Variants in BAALC observed in about 807,000 individuals in gnomAD.
BAALC encodes the protein BAALC binder of MAP3K1 and KLF4.
In BAALC, 9 loss-of-function variants were observed where a neutral mutation model predicts 15.5. The ratio of observed to expected loss-of-function variants is 0.58; its 90% confidence interval spans 0.35 to 1.02. The LOEUF (loss-of-function observed/expected upper bound fraction) is 1.02, where lower values mean the gene tolerates loss of function less well. BAALC is among the 50% of genes least tolerant of loss of function. The pLI, the probability that BAALC is intolerant of heterozygous loss-of-function variation, is 0.02. For synonymous variants in BAALC, 80 were observed against 74.6 expected (o/e 1.07, Z -0.37); for missense variants, 201 against 192.4 (o/e 1.04, Z -0.27).
intron 1 of BAALC, among the ~76,000 whole-genome samples, chr8:103,162,003 C>G (rs1218519001): frequency 2.0e-5 from 3 of 152,008 alleles, no homozygotes; most frequent in African/African-American, 7.3e-5. Flanking sequence ...CTCTGTCACC[C>G]AGGCTGAAGC....
intron 1 of BAALC, among the ~76,000 whole-genome samples, chr8:103,179,088 A>G (rs1276722624): frequency 6.6e-6 from 1 of 152,216 alleles, no homozygotes; most frequent in Non-Finnish European, 1.5e-5. Context: ...TCAGACAGAA[A>G]AGAAACTCAT....
chr8:103,220,662 T>C (rs1812656771), intron 2 of BAALC, among the ~76,000 whole-genome samples: 1 of 152,052 alleles, frequency 6.6e-6, no homozygotes, highest in African/African-American at 2.4e-5. Flanking sequence ...AGGAAGGAAG[T>C]AAAGAACATA....
chr8:103,162,445 C>T (rs1376320463), intron 1 of BAALC, among the ~76,000 whole-genome samples: 1 of 152,182 alleles, frequency 6.6e-6, no homozygotes, highest in Non-Finnish European at 1.5e-5. Flanking sequence ...GGTTGGGCAT[C>T]TCTCTCGGTA....
At position 103,140,975 on chromosome 8, in the gene BAALC, C is replaced by G. The variant is rs976727881; in HGVS notation, c.78C>G (p.Thr26=). 5 of 1,540,256 alleles carry G rather than the reference C, an allele frequency of 3.2e-6. No homozygotes were observed. The highest frequency in any genetic ancestry group is 4.4e-6 in the Non-Finnish European group (5 of 1,144,564). The part of the protein sequence containing the change: ...YESWTRETES[T]WLTYTDSDAP... ...GCTGGACCCGGGAGACAGAATCCAC[C>G]TGGCTCACCTACACCGACTCGGACG... The change falls in exon 1 of 3, where the codon ACC becomes ACG. Residue 26 remains threonine (T), a synonymous_variant. Transcript: ENST00000309982. This position sits in a 1 kb window ranked among gnomAD's most constrained non-coding sequence, Gnocchi z 4.2.
intron 1 of BAALC, chr8:103,171,811 G>C (rs1364370782): frequency 6.6e-6 from 1 of 152,148 alleles, no homozygotes; most frequent in Non-Finnish European, 1.5e-5. Context: ...CTGGATCCAG[G>C]AAACCCAGGC....
intron 1 of BAALC, among the ~76,000 whole-genome samples, chr8:103,202,029 ATAG>A (rs1318502719): frequency 6.6e-6 from 1 of 152,212 alleles, no homozygotes; most frequent in African/African-American, 2.4e-5. Context: ...CAAAATGTCA[ATAG>A]TAGTTATTCC....
intron 1 of BAALC, among the ~76,000 whole-genome samples, chr8:103,207,073 C>G (rs543797014): frequency 6.6e-6 from 1 of 152,268 alleles, no homozygotes; most frequent in Non-Finnish European, 1.5e-5. Flanking sequence ...CTGTTAGCTA[C>G]CAACATCCAC....
chr8:103,206,185 A>T (rs1269703896), intron 1 of BAALC, among the ~76,000 whole-genome samples: 1 of 152,122 alleles, frequency 6.6e-6, no homozygotes, highest in East Asian at 1.9e-4. Context: ...AAACACTGTG[A>T]GCTCCCAGAT....
intron 2 of BAALC, 117 bp from the exon 3 acceptor site, chr8:103,227,872 C>T: frequency 2.9e-6 from 2 of 687,444 alleles, no homozygotes; most frequent in Non-Finnish European, 2.4e-6. Context: ...GTTCCTTTTT[C>T]CCAGGCACAT....
At chr8:103,172,494 C>T (rs906100848) in intron 1 of BAALC, among the ~76,000 whole-genome samples, 6 of 151,434 alleles carry the variant, frequency 4.0e-5, no homozygotes, top group African/African-American at 7.3e-5. Flanking sequence ...CTCGGCCTCC[C>T]GGGTTCAGCC....
chr8:103,142,750 C>T (rs1810808907), intron 1 of BAALC, among the ~76,000 whole-genome samples: 1 of 152,122 alleles, frequency 6.6e-6, no homozygotes. Context: ...TGGGATGGCT[C>T]TATATGTACA....
At chr8:103,159,763 A>T (rs1162133421) in intron 1 of BAALC, among the ~76,000 whole-genome samples, 1 of 151,956 alleles carries the variant, frequency 6.6e-6, no homozygotes, top group African/African-American at 2.4e-5. Context: ...TAGGCTTATT[A>T]TGTTTTTATA....
At chr8:103,181,231 C>G (rs6980600) in intron 1 of BAALC, among the ~76,000 whole-genome samples, 6,219 of 152,098 alleles carry the variant, frequency 0.041, 412 homozygotes, top group African/African-American at 0.14. Context: ...GCAAAAGCTC[C>G]CTAGGTGAGT....
At chr8:103,186,376 T>C (rs1811838120) in intron 1 of BAALC, among the ~76,000 whole-genome samples, 1 of 152,136 alleles carries the variant, frequency 6.6e-6, no homozygotes, top group African/African-American at 2.4e-5. Flanking sequence ...ACATAACAAG[T>C]AGGTGGTGAT....
At chr8:103,183,436 G>C in intron 1 of BAALC, 1 of 703,020 alleles carries the variant, frequency 1.4e-6, no homozygotes, top group Non-Finnish European at 2.6e-6. Flanking sequence ...GTTCAAGAAG[G>C]ACTGTGCAGG....
chr8:103,158,497 A>C (rs1811150854), intron 1 of BAALC, among the ~76,000 whole-genome samples: 1 of 152,168 alleles, frequency 6.6e-6, no homozygotes, highest in South Asian at 2.1e-4. Flanking sequence ...TTTCTTTGGC[A>C]TATCAGAATT....
chr8:103,216,801 G>A (rs1207207735), intron 2 of BAALC, among the ~76,000 whole-genome samples: 1 of 152,216 alleles, frequency 6.6e-6, no homozygotes, highest in Non-Finnish European at 1.5e-5. Flanking sequence ...TTCATATGTG[G>A]TCTAGGTATG....
At chr8:103,208,307 G>A (rs572480755) in intron 1 of BAALC, 1 of 152,220 alleles carries the variant, frequency 6.6e-6, no homozygotes, top group Non-Finnish European at 1.5e-5. Context: ...AGTCTAGACT[G>A]GGGGGTTAAG....
At chr8:103,181,485 G>C (rs1811729160) in intron 1 of BAALC, among the ~76,000 whole-genome samples, 1 of 152,102 alleles carries the variant, frequency 6.6e-6, no homozygotes, top group Non-Finnish European at 1.5e-5. Flanking sequence ...TGTTAGCCAG[G>C]ATGGTCTCGA....
Sources: allele counts gnomAD v4.1 joint callset (sites outside exome capture counted in the v4.1 genomes callset), GRCh38; gene constraint gnomAD v4.1.1; non-coding constraint Gnocchi (gnomAD v3.1); transcripts MANE v1.5; gene names NCBI Gene and HGNC (gene_info 2026-07-23, HGNC 2026-07-21).